Variants in OSBPL1A observed in about 807,000 individuals in gnomAD.
OSBPL1A encodes oxysterol binding protein like 1A, also known as oxysterol-binding protein-related protein 1.
Under a neutral mutation model 137.1 loss-of-function variants are expected in OSBPL1A, and 80 were observed. That is an observed-to-expected ratio of 0.58 (90% CI 0.49 to 0.70). The LOEUF is 0.70. Ranked by LOEUF, OSBPL1A falls within the 30% of genes least tolerant of loss-of-function variation. The probability of loss-of-function intolerance (pLI) is 0.00; values close to 1 mark genes in which losing one functional copy is unlikely to be tolerated. For synonymous variants in OSBPL1A, 365 were observed against 389.7 expected (o/e 0.94, Z 0.75); for missense variants, 970 against 1,129.4 (o/e 0.86, Z 2.02).
intron 14 of OSBPL1A, among the ~76,000 whole-genome samples, chr18:24,303,275 A>G (rs1477087180): frequency 6.6e-6 from 1 of 152,200 alleles, no homozygotes; most frequent in Non-Finnish European, 1.5e-5. Flanking sequence ...TACTGGGATT[A>G]CAGGCATGAG....
intron 17 of OSBPL1A, among the ~76,000 whole-genome samples, chr18:24,222,867 T>C (rs1187712269): frequency 1.3e-5 from 2 of 152,128 alleles, no homozygotes; most frequent in African/African-American, 4.8e-5. Flanking sequence ...CCTAAATTTA[T>C]GTATTTCCCA....
intron 14 of OSBPL1A, among the ~76,000 whole-genome samples, chr18:24,288,933 A>T (rs1427573487): frequency 6.6e-6 from 1 of 152,184 alleles, no homozygotes; most frequent in Admixed American, 6.5e-5. Flanking sequence ...GAACACACCC[A>T]ATCTCAGCTA....
In OSBPL1A at chr18:24,366,992, C is replaced by T. The variant is rs888564104; in HGVS notation, c.208-26G>A. ...CTAGTAAACATGACCACTTTAAATA[C>T]CAAGAAATATACAATGGTGAAAATC... On this transcript the variant is annotated intron_variant, in intron 3 of 27. Transcript: ENST00000319481. The T allele has an allele frequency of 5.7e-6, 9 of 1,570,006 alleles. No individual in the cohort carries two copies. The South Asian group carries it at 5.9e-5, about 10-fold the overall frequency.
chr18:24,194,059 A>G (rs950834186), intron 18 of OSBPL1A, among the ~76,000 whole-genome samples: 3 of 152,338 alleles, frequency 2.0e-5, no homozygotes, highest in Non-Finnish European at 2.9e-5. Flanking sequence ...TTCATGAACA[A>G]ATTCATAACA....
chr18:24,183,113 C>T (rs1037763630), intron 18 of OSBPL1A, among the ~76,000 whole-genome samples: 1 of 151,872 alleles, frequency 6.6e-6, no homozygotes, highest in Non-Finnish European at 1.5e-5. Flanking sequence ...TCAAGGGATC[C>T]GATCCTCCCA....
At chr18:24,317,896 A>T (rs965293440) in intron 9 of OSBPL1A, among the ~76,000 whole-genome samples, 3 of 152,226 alleles carry the variant, frequency 2.0e-5, no homozygotes, top group African/African-American at 7.2e-5. Flanking sequence ...GACTGGAAAA[A>T]TTTTATATAT....
At chr18:24,246,148 G>T (rs181723744) in intron 15 of OSBPL1A, among the ~76,000 whole-genome samples, 1 of 152,074 alleles carries the variant, frequency 6.6e-6, no homozygotes, top group South Asian at 2.1e-4. Context: ...GGAGGCAGAG[G>T]TTGTAGTGAG....
At chr18:24,294,223 T>G (rs866564968) in intron 14 of OSBPL1A, among the ~76,000 whole-genome samples, 1 of 151,742 alleles carries the variant, frequency 6.6e-6, no homozygotes, top group African/African-American at 2.4e-5. Flanking sequence ...TGTGGTTGTT[T>G]TTTTTTTTGG....
At chr18:24,181,039 A>T in intron 19 of OSBPL1A, 106 bp downstream of exon 19, 2 of 1,372,660 alleles carry the variant, frequency 1.5e-6, no homozygotes, top group South Asian at 2.9e-5. Context: ...AAAATTGCCC[A>T]ACCTCACATT....
Position 24,163,196 on chromosome 18 carries a change from A to G in OSBPL1A, c.2836T>C (p.Leu946=). 6.2e-7 allele frequency: 1 copy of G among 1,610,222 alleles called. No homozygotes were observed. Among genetic ancestry groups the G allele is most frequent in the Non-Finnish European group, 8.5e-7 (1 of 1,176,676 alleles). The change falls in exon 28 of 28, where the codon TTG becomes CTG. Residue 946 remains leucine (L), a synonymous_variant. Transcript: ENST00000319481. The part of the protein sequence containing the change: ...GSYWDRNYFN[L]PDIY ...TATGCATTTTAATAAATGTCAGGCA[A>G]ATTGAAGTAATTTCTGTCCCAGTAG... is the stretch of plus-strand genomic sequence containing the variant.
intron 7 of OSBPL1A, among the ~76,000 whole-genome samples, chr18:24,322,793 C>T (rs2090889779): frequency 6.6e-6 from 1 of 152,046 alleles, no homozygotes; most frequent in Non-Finnish European, 1.5e-5. Flanking sequence ...GTCTAAAATG[C>T]CTGGCACACA....
At chr18:24,335,125 A>T (rs1414065465) in intron 5 of OSBPL1A, among the ~76,000 whole-genome samples, 1 of 152,190 alleles carries the variant, frequency 6.6e-6, no homozygotes, top group East Asian at 1.9e-4. Flanking sequence ...TCCTGGCCTG[A>T]AGCAGTCTTC....
intron 7 of OSBPL1A, chr18:24,321,849 A>G: frequency 2.6e-6 from 1 of 392,124 alleles, no homozygotes; most frequent in South Asian, 2.0e-5. Context: ...CATTATTGCT[A>G]AGTTCTGGAG....
chr18:24,215,109 C>T (rs1007161339), intron 17 of OSBPL1A, among the ~76,000 whole-genome samples: 5 of 152,198 alleles, frequency 3.3e-5, no homozygotes, highest in Admixed American at 1.3e-4. Flanking sequence ...TTCTCTGACA[C>T]GTATGTTATT....
At chr18:24,289,703 A>G (rs113841780) in intron 14 of OSBPL1A, among the ~76,000 whole-genome samples, 5 of 152,222 alleles carry the variant, frequency 3.3e-5, no homozygotes, top group African/African-American at 1.2e-4. Flanking sequence ...TACAGGCATG[A>G]GCCACCATGC....
At position 24,280,916 on chromosome 18, in the gene OSBPL1A, C is replaced by T. The variant is rs767036012; in HGVS notation, c.1207G>A (p.Val403Ile). 1.9e-6 allele frequency: 3 copies of T among 1,606,586 alleles called. No individual in the cohort carries two copies. The highest frequency in any genetic ancestry group is 2.5e-6 in the Non-Finnish European group (3 of 1,178,122). Residue 403 changes from valine to isoleucine, a missense_variant, in exon 15 of 28, where the codon GTT becomes ATT. Coordinates refer to ENST00000319481, the MANE Select transcript of OSBPL1A (RefSeq NM_080597.4). ...GTTTCTCTAGAAGCTTCTGAGACAACTTCAACTTTCTGAAGAAATGATGGA... is the reference window on the plus strand; with the variant it reads ...GTTTCTCTAGAAGCTTCTGAGACAATTTCAACTTTCTGAAGAAATGATGGA... ...MLPSFLQKVE[V>I]VSEASRETCV...
chr18:24,317,122 G>A (rs751642977), intron 11 of OSBPL1A, 27 bp downstream of exon 11: 18 of 1,611,302 alleles, frequency 1.1e-5, no homozygotes, highest in Non-Finnish European at 1.4e-5. Context: ...ACAGTTAGAG[G>A]AGCAAATGAT....
At chr18:24,358,226 C>T (rs2091568095) in intron 4 of OSBPL1A, 4 of 497,800 alleles carry the variant, frequency 8.0e-6, no homozygotes, top group South Asian at 3.7e-5. Context: ...GGGGCTCAGA[C>T]CTCCAGGGAT....
rs568307915 is a variant in OSBPL1A at position 24,204,398 on chromosome 18, T to G, written c.1602-8198A>C. ...ATTTTTTTGTTATTTAGTAAGAATT[T>G]TTTTTGTATGTGATAGCTATTAATC... On this transcript the variant is annotated intron_variant, in intron 17 of 27. Coordinates refer to ENST00000319481, the MANE Select transcript of OSBPL1A (RefSeq NM_080597.4). Among the ~76,000 whole-genome samples the G allele has an allele frequency of 7.2e-5, 11 of 152,314 alleles. No individual in the cohort carries two copies. The East Asian group carries it at 2.1e-3, about 29-fold the overall frequency.
Sources: allele counts gnomAD v4.1 joint callset (sites outside exome capture counted in the v4.1 genomes callset), GRCh38; gene constraint gnomAD v4.1.1; transcripts MANE v1.5; gene names NCBI Gene and HGNC (gene_info 2026-07-23, HGNC 2026-07-21).